The following ENSA variants were observed in gnomAD, a reference collection of about 807,000 sequenced individuals.
ENSA encodes endosulfine alpha, also known as alpha-endosulfine.
Under a neutral mutation model 16.8 loss-of-function variants are expected in ENSA, and 7 were observed. The observed-to-expected ratio is 0.42, with a 90% CI of 0.24 to 0.78. ENSA has a LOEUF of 0.78. Ranked by LOEUF, ENSA falls within the 30% of genes least tolerant of loss-of-function variation. The pLI, the probability that ENSA is intolerant of heterozygous loss-of-function variation, is 0.29. For missense variants in ENSA, 87 were observed against 142.3 expected (o/e 0.61, Z 1.98); for synonymous variants, 58 against 53.4 (o/e 1.09, Z -0.37).
At chr1:150,624,840 A>G (rs1649189277) in intron 3 of ENSA, 1 of 976,934 alleles carries the variant, frequency 1.0e-6, no homozygotes, top group Non-Finnish European at 1.2e-6. Context: ...TCTATTTTAC[A>G]GATGAGGAAA....
chr1:150,629,021 T>C (rs1194900122), intron 1 of ENSA: 1 of 1,608,764 alleles, frequency 6.2e-7, no homozygotes, highest in Admixed American at 1.7e-5. Flanking sequence ...TCTTTGCGGA[T>C]TGAGGCTGCG....
intron 1 of ENSA, chr1:150,628,951 C>T (rs2101751846): frequency 8.5e-7 from 1 of 1,174,412 alleles, no homozygotes; most frequent in Non-Finnish European, 1.3e-6. Context: ...ATTATAATAA[C>T]TACACTTCTC....
chr1:150,628,046 C>T (rs890207882), intron 1 of ENSA, among the ~76,000 whole-genome samples: 9 of 152,252 alleles, frequency 5.9e-5, no homozygotes, highest in African/African-American at 2.2e-4. Context: ...CCTGTAATCC[C>T]AGCACTTTGG....
intron 1 of ENSA, 43 bp from the exon 2 acceptor site, chr1:150,627,635 A>G: frequency 6.4e-7 from 1 of 1,568,622 alleles, no homozygotes; most frequent in South Asian, 1.2e-5. Context: ...AGACTGAGAA[A>G]CAACAGCTTC....
chr1:150,625,559 G>C (rs1240812847), intron 3 of ENSA, 83 bp downstream of exon 3: 1 of 1,476,910 alleles, frequency 6.8e-7, no homozygotes, highest in Non-Finnish European at 9.0e-7. Context: ...GAGAAGATCT[G>C]ACTAGGTGCC....
chr1:150,624,609 A>C, intron 3 of ENSA: 2 of 985,774 alleles, frequency 2.0e-6, no homozygotes, highest in Non-Finnish European at 2.4e-6. Flanking sequence ...TGTGATATCT[A>C]TAAGGTTCTC....
At chr1:150,624,217 A>T in intron 3 of ENSA, 1 of 985,448 alleles carries the variant, frequency 1.0e-6, no homozygotes, top group Non-Finnish European at 1.2e-6. Flanking sequence ...ATGATAAAAG[A>T]GCTGGGTTGC....
chr1:150,629,045 T>C (rs371698688), intron 1 of ENSA: 35 of 1,613,682 alleles, frequency 2.2e-5, no homozygotes, highest in African/African-American at 4.0e-5. Context: ...CCCAGCCCGG[T>C]TGCTGGGTCA....
intron 3 of ENSA, chr1:150,623,986 C>G (rs1306820698): frequency 3.0e-6 from 3 of 985,250 alleles, no homozygotes. Context: ...TCTCATTGGG[C>G]CAAATGTTTG....
At chr1:150,628,488 T>A (rs1649501954) in intron 1 of ENSA, among the ~76,000 whole-genome samples, 1 of 151,914 alleles carries the variant, frequency 6.6e-6, no homozygotes, top group South Asian at 2.1e-4. Context: ...CTCACTACTG[T>A]AGTCAATCTC....
At chr1:150,627,197 A>G in intron 2 of ENSA, 1 of 1,497,074 alleles carries the variant, frequency 6.7e-7, no homozygotes, top group Non-Finnish European at 8.9e-7. Flanking sequence ...GGCAGTCTGC[A>G]TTTCAGTTTC....
intron 1 of ENSA, 156 bp downstream of exon 1, chr1:150,629,258 G>A: frequency 6.6e-7 from 1 of 1,508,126 alleles, no homozygotes; most frequent in Non-Finnish European, 9.1e-7. Flanking sequence ...CAGCGCCAAA[G>A]CAGCATGTCG....
Position 150,627,714 on chromosome 1 carries a change from T to C in ENSA, c.58-122A>G, listed in dbSNP as rs587676325. 5 of 1,005,548 alleles carry C rather than the reference T, an allele frequency of 5.0e-6. No homozygotes were observed. The East Asian group carries it at 7.7e-5, about 16-fold the overall frequency. 62.3% of individuals were successfully genotyped at this position (1,005,548 alleles called of 1,614,324 possible). A position where few individuals can be genotyped will look rare whatever the true frequency, so the allele number is the denominator to read the frequency against. On this transcript the variant is annotated intron_variant, in intron 1 of 3. Coordinates refer to ENST00000369014, the MANE Select transcript of ENSA (RefSeq NM_004436.4). ...CACCCACTTGTAAATACGCTATCTCTACTCTGCTGTTAAAGCTAGACCTTT... is the reference window on the plus strand; with the variant it reads ...CACCCACTTGTAAATACGCTATCTCCACTCTGCTGTTAAAGCTAGACCTTT...
chr1:150,629,005 C>T, intron 1 of ENSA: 1 of 1,571,678 alleles, frequency 6.4e-7, no homozygotes, highest in Non-Finnish European at 8.8e-7. Context: ...TTTACCTCGA[C>T]CCCTATCTTT....
At chr1:150,626,491 A>G in intron 2 of ENSA, 2 of 1,613,668 alleles carry the variant, frequency 1.2e-6, no homozygotes, top group Non-Finnish European at 1.7e-6. Flanking sequence ...TTTCATCCGC[A>G]CAGAGAAGCA....
chr1:150,627,203 G>T (rs1485522838), intron 2 of ENSA: 1 of 1,499,266 alleles, frequency 6.7e-7, no homozygotes, highest in African/African-American at 1.4e-5. Context: ...CTGCATTTCA[G>T]TTTCTAACAT....
intron 3 of ENSA, chr1:150,624,490 A>C (rs999443451): frequency 1.0e-6 from 1 of 985,794 alleles, no homozygotes; most frequent in Non-Finnish European, 1.2e-6. Flanking sequence ...GCTGCCAGAG[A>C]AGCTTTTTAG....
At chr1:150,623,323 T>C (rs1353748121) in intron 3 of ENSA, 2 of 987,336 alleles carry the variant, frequency 2.0e-6, no homozygotes, top group African/African-American at 1.7e-5. Context: ...TCAAAGCAAT[T>C]TGCATTTGGA....
chr1:150,627,157 C>T (rs1649389530), intron 2 of ENSA: 2 of 1,475,062 alleles, frequency 1.4e-6, no homozygotes, highest in South Asian at 1.5e-5. Context: ...ATCCTAAAAC[C>T]TCCAACATTC....
Sources: allele counts gnomAD v4.1 joint callset (sites outside exome capture counted in the v4.1 genomes callset), GRCh38; gene constraint gnomAD v4.1.1; transcripts MANE v1.5; gene names NCBI Gene and HGNC (gene_info 2026-07-23, HGNC 2026-07-21).